The following GUCY1A2 variants were observed in gnomAD, a reference collection of about 807,000 sequenced individuals.
GUCY1A2 encodes the protein guanylate cyclase 1 soluble subunit alpha 2.
Under a neutral mutation model 63.5 loss-of-function variants are expected in GUCY1A2, and 27 were observed. The ratio of observed to expected loss-of-function variants is 0.43; its 90% CI spans 0.31 to 0.59. The LOEUF is 0.59. Ranked by LOEUF, GUCY1A2 falls within the 20% of genes least tolerant of loss-of-function variation. GUCY1A2 has a pLI of 0.11. For missense variants in GUCY1A2, 768 were observed against 913.3 expected, an observed-to-expected ratio of 0.84 and a Z score of 2.05; for synonymous variants, 364 against 343.5, an observed-to-expected ratio of 1.06 and a Z score of -0.66.
At chr11:106,689,919 G>A (rs1057431781) in intron 7 of GUCY1A2, among the ~76,000 whole-genome samples, 3 of 151,738 alleles carry the variant, frequency 2.0e-5, no homozygotes, top group Non-Finnish European at 2.9e-5. Context: ...CACTTGAACC[G>A]GGAGGTGGAG....
intron 6 of GUCY1A2, among the ~76,000 whole-genome samples, chr11:106,732,563 A>G (rs1455462038): frequency 1.3e-5 from 2 of 152,172 alleles, no homozygotes; most frequent in South Asian, 2.1e-4. Flanking sequence ...ACTGCCAACA[A>G]TGCATTTAGA....
intron 5 of GUCY1A2, among the ~76,000 whole-genome samples, chr11:106,795,826 T>C (rs1864748262): frequency 6.6e-6 from 1 of 152,130 alleles, no homozygotes. Flanking sequence ...TTTGAAAACA[T>C]TTTCCTAGCA....
At chr11:106,998,330 T>G (rs1460248796) in intron 1 of GUCY1A2, among the ~76,000 whole-genome samples, 1 of 152,196 alleles carries the variant, frequency 6.6e-6, no homozygotes, top group African/African-American at 2.4e-5. Context: ...TGGGAACAGC[T>G]GCTTACAGAG....
At chr11:106,919,447 T>C (rs1156992325) in intron 4 of GUCY1A2, among the ~76,000 whole-genome samples, 1 of 152,284 alleles carries the variant, frequency 6.6e-6, no homozygotes, top group Admixed American at 6.5e-5. Flanking sequence ...GTGATAATCA[T>C]TTCATAATAT....
chr11:106,750,843 A>G (rs1194943543), intron 6 of GUCY1A2, among the ~76,000 whole-genome samples: 1 of 151,738 alleles, frequency 6.6e-6, no homozygotes, highest in East Asian at 1.9e-4. Flanking sequence ...AAATCTTTTC[A>G]AGGTGTCCCT....
intron 3 of GUCY1A2, among the ~76,000 whole-genome samples, chr11:106,976,235 A>G (rs541405391): frequency 6.6e-6 from 1 of 152,108 alleles, no homozygotes; most frequent in Admixed American, 6.5e-5. Context: ...GAGTTGGAAC[A>G]CTGCCTTCTG....
chr11:106,914,033 A>G (rs917612266), intron 4 of GUCY1A2, among the ~76,000 whole-genome samples: 80 of 149,762 alleles, frequency 5.3e-4, no homozygotes, highest in African/African-American at 1.9e-3. Context: ...AAAGAGAGAG[A>G]GAGAGGGAGG....
At chr11:106,714,002 TC>T (rs1863171920) in intron 6 of GUCY1A2, among the ~76,000 whole-genome samples, 1 of 85,196 alleles carries the variant, frequency 1.2e-5, no homozygotes, top group African/African-American at 6.7e-5. Context: ...CATTTTACAC[TC>T]TTTTTTTCTT....
intron 5 of GUCY1A2, among the ~76,000 whole-genome samples, chr11:106,778,553 C>T (rs932200146): frequency 2.6e-5 from 4 of 151,914 alleles, no homozygotes; most frequent in East Asian, 1.9e-4. Flanking sequence ...CCCAGCTACT[C>T]GGGAGACTGA....
intron 6 of GUCY1A2, among the ~76,000 whole-genome samples, chr11:106,757,037 T>C (rs1227013910): frequency 6.6e-6 from 1 of 152,242 alleles, no homozygotes; most frequent in Non-Finnish European, 1.5e-5. Flanking sequence ...TTGAAGGCTT[T>C]GTTAATTTCT....
At chr11:106,865,153 A>G (rs1448248772) in intron 4 of GUCY1A2, among the ~76,000 whole-genome samples, 1 of 152,076 alleles carries the variant, frequency 6.6e-6, no homozygotes, top group Non-Finnish European at 1.5e-5. Flanking sequence ...GAATTTATTC[A>G]CTTCTTCTGG....
chr11:106,852,669 G>A (rs986429194), intron 4 of GUCY1A2, among the ~76,000 whole-genome samples: 4 of 151,996 alleles, frequency 2.6e-5, no homozygotes, highest in African/African-American at 4.8e-5. Context: ...ATTTGATCAC[G>A]GTAAATGATC....
At chr11:106,989,651 G>GA (rs947165843) in intron 1 of GUCY1A2, among the ~76,000 whole-genome samples, 5 of 151,374 alleles carry the variant, frequency 3.3e-5, no homozygotes, top group African/African-American at 9.7e-5. Context: ...CTTCATCATC[G>GA]AAAAAAAATC....
intron 6 of GUCY1A2, among the ~76,000 whole-genome samples, chr11:106,738,145 A>G (rs1424274187): frequency 1.3e-5 from 2 of 152,186 alleles, no homozygotes; most frequent in Non-Finnish European, 2.9e-5. Flanking sequence ...TCCAATGACC[A>G]GTGATGATGA....
intron 4 of GUCY1A2, among the ~76,000 whole-genome samples, chr11:106,879,637 A>G (rs1859797139): frequency 1.3e-5 from 2 of 152,058 alleles, no homozygotes; most frequent in Admixed American, 1.3e-4. Context: ...AGATGGGCCT[A>G]AAACAACCCA....
intron 4 of GUCY1A2, chr11:106,824,714 A>C: frequency 8.1e-7 from 1 of 1,228,452 alleles, no homozygotes; most frequent in Non-Finnish European, 1.1e-6. Flanking sequence ...ACTGATACAG[A>C]AAGAATATTT....
chr11:106,682,483 T>G lies in GUCY1A2; in HGVS notation c.*5066A>C. ...CCTAAAACTCCCTACGGAATTCTTA[T>G]GAAGCCAGCCAGATACTTCCAAGCA... On this transcript the variant is annotated 3_prime_UTR_variant, in exon 8 of 8. Coordinates refer to ENST00000526355, the MANE Select transcript of GUCY1A2 (RefSeq NM_000855.3). 1 of 210,342 alleles carries G rather than the reference T, an allele frequency of 4.8e-6. No individual in the cohort carries two copies. Among genetic ancestry groups the G allele is most frequent in the African/African-American group, 2.3e-5 (1 of 44,266 alleles). 13.0% of individuals were successfully genotyped at this position (210,342 alleles called of 1,614,324 possible).
chr11:107,010,631 G>A (rs1861730039), intron 1 of GUCY1A2, among the ~76,000 whole-genome samples: 1 of 151,942 alleles, frequency 6.6e-6, no homozygotes, highest in Non-Finnish European at 1.5e-5. Flanking sequence ...TATTTTGGTT[G>A]ATGGAACTAA....
At chr11:106,817,526 T>C (rs982239426) in intron 4 of GUCY1A2, among the ~76,000 whole-genome samples, 2 of 151,992 alleles carry the variant, frequency 1.3e-5, no homozygotes, top group African/African-American at 4.8e-5. Flanking sequence ...ATTAAAAAGC[T>C]TCAGCACAGC....
Sources: gnomAD v4.1 joint callset for allele counts (sites outside exome capture counted in the v4.1 genomes callset) on GRCh38, gnomAD v4.1.1 for gene constraint, MANE v1.5 for transcripts, NCBI Gene and HGNC (gene_info 2026-07-23, HGNC 2026-07-21) for gene names.